The following MEIS2 variants were observed in gnomAD, a reference collection of about 807,000 sequenced individuals.
MEIS2 encodes the protein homeobox protein Meis2.
MEIS2 carries 9 observed loss-of-function variants against 58.6 expected under a neutral mutation model. The observed-to-expected ratio is 0.15, with a 90% CI of 0.09 to 0.27. The LOEUF is 0.27. Among genes scored for constraint, MEIS2 ranks in the 10% least tolerant of loss-of-function variants. The probability of loss-of-function intolerance (pLI) is 1.00; values close to 1 mark genes in which losing one functional copy is unlikely to be tolerated. For synonymous variants in MEIS2, 221 were observed against 228.4 expected (o/e 0.97, Z 0.29); for missense variants, 427 against 635.0 (o/e 0.67, Z 3.52).
intron 7 of MEIS2, among the ~76,000 whole-genome samples, chr15:37,066,893 C>T (rs558279911): frequency 6.6e-6 from 1 of 152,028 alleles, no homozygotes; most frequent in East Asian, 1.9e-4. Flanking sequence ...ATCCTCCTGC[C>T]TCAGTCTCCT....
At chr15:36,983,070 C>T (rs1322466237) in intron 8 of MEIS2, among the ~76,000 whole-genome samples, 1 of 152,048 alleles carries the variant, frequency 6.6e-6, no homozygotes, top group Non-Finnish European at 1.5e-5. Context: ...GTGTGGTTTG[C>T]AGATATTTTC....
intron 7 of MEIS2, among the ~76,000 whole-genome samples, chr15:37,057,380 G>A (rs906851876): frequency 6.6e-6 from 1 of 152,154 alleles, no homozygotes; most frequent in Non-Finnish European, 1.5e-5. Flanking sequence ...AGGCCATGTG[G>A]AGCTGTATTA....
At chr15:36,978,772 C>G (rs1452690514) in intron 8 of MEIS2, among the ~76,000 whole-genome samples, 1 of 152,088 alleles carries the variant, frequency 6.6e-6, no homozygotes, top group East Asian at 1.9e-4. Flanking sequence ...AAACATTTTT[C>G]CATATCAATA....
chr15:36,955,937 G>A (rs1378365989), intron 8 of MEIS2, among the ~76,000 whole-genome samples: 1 of 150,410 alleles, frequency 6.6e-6, no homozygotes, highest in African/African-American at 2.5e-5. Context: ...CAGCACTTTG[G>A]GAGGCTGAGG....
intron 9 of MEIS2, among the ~76,000 whole-genome samples, chr15:36,930,235 A>AG (rs1567066818): frequency 3.3e-5 from 5 of 150,236 alleles, no homozygotes; most frequent in African/African-American, 9.8e-5. Context: ...GAGAGAGAGA[A>AG]AAAAAAAGTT....
At chr15:37,076,846 T>C (rs1891488619) in intron 7 of MEIS2, among the ~76,000 whole-genome samples, 1 of 152,110 alleles carries the variant, frequency 6.6e-6, no homozygotes, top group Non-Finnish European at 1.5e-5. Flanking sequence ...ATGTGACATG[T>C]AAGCAATTCA....
chr15:37,086,423 T>C (rs1213497718), intron 6 of MEIS2, among the ~76,000 whole-genome samples: 2 of 152,202 alleles, frequency 1.3e-5, no homozygotes, highest in Non-Finnish European at 2.9e-5. Context: ...AGATGTTTTC[T>C]AAAGTAAAGG....
In MEIS2 at chr15:36,985,474, C is replaced by T. The variant is rs184146628; in HGVS notation, c.901-35074G>A. Reference sequence around the variant, plus strand: ...ATAGAGGCCTTGTTTTCTTGTAATACAGTATTCTGATGATCTTTTCTGGAT... The same window carrying T: ...ATAGAGGCCTTGTTTTCTTGTAATATAGTATTCTGATGATCTTTTCTGGAT... On this transcript the variant is annotated intron_variant, in intron 8 of 11. Coordinates refer to ENST00000561208, the MANE Select transcript of MEIS2 (RefSeq NM_170675.5). Among the ~76,000 whole-genome samples the T allele has an allele frequency of 2.5e-3, 383 of 152,188 alleles. 9 individuals carry two copies. Among genetic ancestry groups the T allele is most frequent in the Non-Finnish European group, 9.1e-4 (62 of 67,988 alleles).
At chr15:36,969,773 C>T (rs149787061) in intron 8 of MEIS2, among the ~76,000 whole-genome samples, 8 of 152,302 alleles carry the variant, frequency 5.3e-5, no homozygotes, top group South Asian at 2.1e-4. Flanking sequence ...CAAGAAGACT[C>T]ATGTCTGCTC....
At chr15:37,014,073 C>A (rs1467005931) in intron 8 of MEIS2, among the ~76,000 whole-genome samples, 1 of 152,174 alleles carries the variant, frequency 6.6e-6, no homozygotes, top group Non-Finnish European at 1.5e-5. Context: ...AGAATGTTAA[C>A]AATAGCAGAA....
intron 4 of MEIS2, 96 bp downstream of exon 4, chr15:37,095,468 T>G: frequency 6.3e-7 from 1 of 1,579,526 alleles, no homozygotes; most frequent in Non-Finnish European, 8.7e-7. Context: ...AAAAGAGGGT[T>G]CTGTTCTAAC....
At chr15:37,073,441 G>A (rs1172359162) in intron 7 of MEIS2, among the ~76,000 whole-genome samples, 1 of 151,946 alleles carries the variant, frequency 6.6e-6, no homozygotes, top group African/African-American at 2.4e-5. Flanking sequence ...GTAAGCCGTT[G>A]AAGATAAGGA....
At chr15:36,976,145 C>T (rs11630888) in intron 8 of MEIS2, among the ~76,000 whole-genome samples, 49,958 of 151,846 alleles carry the variant, frequency 0.33, 9,114 homozygotes, top group Middle Eastern at 0.48. Flanking sequence ...AGTGCAGTGG[C>T]GCGATCTCGG....
intron 8 of MEIS2, among the ~76,000 whole-genome samples, chr15:36,989,097 T>C (rs1329588883): frequency 2.0e-5 from 3 of 152,210 alleles, no homozygotes; most frequent in Non-Finnish European, 4.4e-5. Context: ...TAAAATAATA[T>C]TTCTTCTTAT....
At chr15:36,923,654 G>A (rs837134) in intron 9 of MEIS2, among the ~76,000 whole-genome samples, 18,370 of 152,162 alleles carry the variant, frequency 0.12, 2,400 homozygotes, top group African/African-American at 0.33. Flanking sequence ...TAGATCATGC[G>A]CTCTGCAGAG....
intron 8 of MEIS2, among the ~76,000 whole-genome samples, chr15:36,998,680 A>G (rs556787486): frequency 3.0e-4 from 46 of 152,298 alleles, no homozygotes; most frequent in Non-Finnish European, 5.3e-4. Flanking sequence ...AGGTTGGCCC[A>G]TTGTTTCAAC....
intron 8 of MEIS2, among the ~76,000 whole-genome samples, chr15:37,012,965 G>A (rs534828117): frequency 1.9e-4 from 29 of 152,236 alleles, no homozygotes; most frequent in Admixed American, 8.5e-4. Context: ...AAGCTTGACA[G>A]TATTTGGGTT....
chr15:37,012,964 A>C (rs2061215023), intron 8 of MEIS2, among the ~76,000 whole-genome samples: 1 of 152,220 alleles, frequency 6.6e-6, no homozygotes, highest in Non-Finnish European at 1.5e-5. Context: ...AAAGCTTGAC[A>C]GTATTTGGGT....
At chr15:36,997,521 C>T (rs554968583) in intron 8 of MEIS2, among the ~76,000 whole-genome samples, 2 of 145,054 alleles carry the variant, frequency 1.4e-5, no homozygotes, top group South Asian at 4.3e-4. Flanking sequence ...GAATCTTGCT[C>T]TGTTGCCCAG....
Sources: allele counts gnomAD v4.1 joint callset (sites outside exome capture counted in the v4.1 genomes callset), GRCh38; gene constraint gnomAD v4.1.1; transcripts MANE v1.5; gene names NCBI Gene and HGNC (gene_info 2026-07-23, HGNC 2026-07-21).